Variants in SIPA1L1 observed in about 807,000 individuals in gnomAD.
SIPA1L1 encodes the protein signal induced proliferation associated 1 like 1, also known as signal-induced proliferation-associated 1-like protein 1.
In SIPA1L1, 26 loss-of-function variants were observed where a neutral mutation model predicts 162.7. The ratio of observed to expected loss-of-function variants is 0.16; its 90% CI spans 0.12 to 0.22. The LOEUF (loss-of-function observed/expected upper bound fraction) is 0.22, where lower values mean the gene tolerates loss of function less well. Ranked by LOEUF, SIPA1L1 falls within the 10% of genes least tolerant of loss-of-function variation. The pLI, the probability that SIPA1L1 is intolerant of heterozygous loss-of-function variation, is 1.00. For synonymous variants in SIPA1L1, 829 were observed against 837.4 expected (o/e 0.99, Z 0.17); for missense variants, 1,874 against 2,241.0 (o/e 0.84, Z 3.31).
intron 2 of SIPA1L1, among the ~76,000 whole-genome samples, chr14:71,430,960 A>G (rs1049148904): frequency 6.6e-6 from 1 of 152,192 alleles, no homozygotes; most frequent in Admixed American, 6.5e-5. Context: ...TGATATTATT[A>G]TAAAGGTCCT....
At chr14:71,644,887 A>T (rs1053523096) in intron 7 of SIPA1L1, among the ~76,000 whole-genome samples, 1 of 152,190 alleles carries the variant, frequency 6.6e-6, no homozygotes, top group Non-Finnish European at 1.5e-5. Flanking sequence ...TTGTTCTTTC[A>T]TATGAAAATA....
intron 3 of SIPA1L1, among the ~76,000 whole-genome samples, chr14:71,520,944 G>C (rs528105159): frequency 6.6e-6 from 1 of 152,160 alleles, no homozygotes; most frequent in African/African-American, 2.4e-5. Context: ...TGTACGGATG[G>C]GGTTTCGCCA....
At chr14:71,718,564 C>T (rs1428008227) in intron 17 of SIPA1L1, among the ~76,000 whole-genome samples, 1 of 152,146 alleles carries the variant, frequency 6.6e-6, no homozygotes, top group Non-Finnish European at 1.5e-5. Flanking sequence ...GTGGAAGGAT[C>T]GCTTAAGCCC....
At chr14:71,514,890 A>G (rs2144577282) in intron 3 of SIPA1L1, among the ~76,000 whole-genome samples, 1 of 152,246 alleles carries the variant, frequency 6.6e-6, no homozygotes, top group East Asian at 1.9e-4. Flanking sequence ...AATAGATTTT[A>G]GACTATAGAT....
At chr14:71,542,364 C>CCTG (rs1281211872) in intron 4 of SIPA1L1, among the ~76,000 whole-genome samples, 4 of 104,046 alleles carry the variant, frequency 3.8e-5, no homozygotes, top group African/African-American at 1.5e-4. Flanking sequence ...CTTTCTTCTT[C>CCTG]TTCCTGCTGC....
chr14:71,589,120 T>C lies in SIPA1L1; in HGVS notation c.1248T>C (p.Tyr416=). 6.2e-7 allele frequency: 1 copy of C among 1,614,080 alleles called. No individual in the cohort carries two copies. The part of the protein sequence containing the change: ...KSNELVMSCP[Y]FRNEIGGEGE... ...ATGAGCTTGTAATGAGCTGTCCATA[T>C]TTTCGGAATGAGATAGGTGGAGAAG... Residue 416 remains tyrosine (Y), a synonymous_variant, in exon 5 of 24, where the codon TAT becomes TAC. Transcript: ENST00000381232.
chr14:71,494,401 T>C (rs906599235), intron 2 of SIPA1L1, among the ~76,000 whole-genome samples: 12 of 152,144 alleles, frequency 7.9e-5, no homozygotes, highest in Non-Finnish European at 4.4e-5. Flanking sequence ...CCTTTATTAA[T>C]ATGTTGTATT....
At position 71,321,130 on chromosome 14, in the gene SIPA1L1, C is replaced by T. The variant is rs142558984; in HGVS notation, c.-516C>T. ...TTTCTCTTTCTCCCCAGGGAGAGCG[C>T]GCGGCGGACGCGCCCGGGACGCGCG... is the stretch of plus-strand genomic sequence containing the variant. On this transcript the variant is annotated 5_prime_UTR_variant, in exon 2 of 24. Transcript: ENST00000381232. 0.035 allele frequency: 5,282 copies of T among 152,120 alleles called. 178 individuals are homozygous for T. The highest frequency in any genetic ancestry group is 0.086 in the African/African-American group (3,589 of 41,502). 9.4% of individuals were successfully genotyped at this position (152,120 alleles called of 1,614,324 possible).
rs754623152 is a variant in SIPA1L1 at position 71,672,520 on chromosome 14, C to T, written c.3002C>T (p.Ala1001Val). 6.3e-5 allele frequency: 102 copies of T among 1,613,856 alleles called. No homozygotes were observed. The highest frequency in any genetic ancestry group is 8.3e-5 in the Non-Finnish European group (98 of 1,179,970). The change falls in exon 12 of 24, where the codon GCG (alanine) becomes GTG (valine). Residue 1001 changes from alanine to valine, a missense_variant. By Grantham distance (64) the Ala-to-Val change is moderately conservative. Coordinates refer to ENST00000381232, the MANE Select transcript of SIPA1L1 (RefSeq NM_001386936.1). ...GSRLVEICKV[A>V]VATLSHEQMI... The stretch of plus-strand genomic sequence containing the variant: ...CGCCTGGTGGAGATCTGCAAGGTGG[C>T]GGTAGCCACTCTGAGCCATGAGCAG...
At chr14:71,415,702 A>ATT (rs1000364296) in intron 2 of SIPA1L1, among the ~76,000 whole-genome samples, 21 of 144,414 alleles carry the variant, frequency 1.5e-4, no homozygotes, top group African/African-American at 4.8e-4. Context: ...TGTCTTAATT[A>ATT]TTTTTTTTTT....
chr14:71,507,409 A>G (rs2050763778), intron 2 of SIPA1L1, among the ~76,000 whole-genome samples: 1 of 152,242 alleles, frequency 6.6e-6, no homozygotes, highest in Non-Finnish European at 1.5e-5. Context: ...TTACATTGAC[A>G]GTAATTAAGA....
intron 7 of SIPA1L1, among the ~76,000 whole-genome samples, chr14:71,642,700 G>A (rs1162914533): frequency 1.3e-5 from 2 of 152,016 alleles, no homozygotes; most frequent in Non-Finnish European, 2.9e-5. Context: ...CTACAAGCAG[G>A]AGCATATGAC....
chr14:71,419,364 T>C (rs1010600952), intron 2 of SIPA1L1, among the ~76,000 whole-genome samples: 8 of 151,876 alleles, frequency 5.3e-5, no homozygotes, highest in Non-Finnish European at 2.9e-5. Flanking sequence ...TTGATAAATA[T>C]CTGTCTTTGT....
chr14:71,694,097 G>A (rs1566668381), intron 13 of SIPA1L1, among the ~76,000 whole-genome samples: 3 of 152,184 alleles, frequency 2.0e-5, no homozygotes, highest in South Asian at 2.1e-4. Context: ...TTGATAAGTT[G>A]TAATCAGTCA....
At chr14:71,602,588 T>A (rs1014368308) in intron 5 of SIPA1L1, among the ~76,000 whole-genome samples, 1 of 152,224 alleles carries the variant, frequency 6.6e-6, no homozygotes, top group African/African-American at 2.4e-5. Flanking sequence ...TGGTCTAATG[T>A]GTAGCTTAAA....
chr14:71,637,593 G>A (rs2041290038), intron 7 of SIPA1L1, among the ~76,000 whole-genome samples: 1 of 151,946 alleles, frequency 6.6e-6, no homozygotes, highest in Admixed American at 6.6e-5. Context: ...AAGTATCCAG[G>A]CTTGGTGGCT....
At position 71,502,255 on chromosome 14, in the gene SIPA1L1, A is replaced by AATATATAT. The variant is rs60241101; in HGVS notation, c.-464-10471_-464-10464dup. 1.4e-3 allele frequency among the ~76,000 whole-genome samples: 133 copies of AATATATAT among 97,520 alleles called. 2 individuals are homozygous for AATATATAT. The highest frequency in any genetic ancestry group is 2.5e-3 in the South Asian group (7 of 2,778). The allele number at this position is 97,520 out of a possible 152,430, so 64.0% of individuals were successfully genotyped here. A position where few individuals can be genotyped will look rare whatever the true frequency, so the allele number is the denominator to read the frequency against. On this transcript the variant is annotated intron_variant, in intron 2 of 23. Transcript: ENST00000381232. The stretch of plus-strand genomic sequence containing the variant: ...TTTGAGATACTTGAAAAAAAAAAAA[A>AATATATAT]ATATATATATATATATATATATATT...
At chr14:71,405,952 T>C (rs534053194) in intron 2 of SIPA1L1, among the ~76,000 whole-genome samples, 13 of 152,196 alleles carry the variant, frequency 8.5e-5, no homozygotes, top group Non-Finnish European at 1.9e-4. Flanking sequence ...TTACTAACCT[T>C]TTAACAAGTC....
At chr14:71,353,922 T>TTTAA (rs1031918146) in intron 2 of SIPA1L1, among the ~76,000 whole-genome samples, 2 of 151,944 alleles carry the variant, frequency 1.3e-5, no homozygotes, top group African/African-American at 4.8e-5. Flanking sequence ...GTAATCTTAA[T>TTTAA]TTTTTTCAGC....
Sources: gnomAD v4.1 joint callset for allele counts (sites outside exome capture counted in the v4.1 genomes callset) on GRCh38, gnomAD v4.1.1 for gene constraint, MANE v1.5 for transcripts, NCBI Gene and HGNC (gene_info 2026-07-23, HGNC 2026-07-21) for gene names.